C18orf63: variants seen among roughly 807,000 people sequenced by gnomAD.
The protein encoded by C18orf63 is chromosome 18 open reading frame 63.
In C18orf63, 50 loss-of-function variants were observed where a neutral mutation model predicts 75.3. The observed-to-expected ratio is 0.66, with a 90% CI of 0.53 to 0.84. C18orf63 has a LOEUF of 0.84. Ranked by LOEUF, C18orf63 falls within the 40% of genes least tolerant of loss-of-function variation. C18orf63 has a pLI of 0.00. For missense variants in C18orf63, 732 were observed against 800.2 expected (o/e 0.91, Z 1.03); for synonymous variants, 232 against 267.6 (o/e 0.87, Z 1.30).
chr18:74,316,482 C>T (rs1343937391), intron 1 of C18orf63, among the ~76,000 whole-genome samples: 2 of 152,194 alleles, frequency 1.3e-5, no homozygotes, highest in Non-Finnish European at 2.9e-5. Flanking sequence ...GGAAGGGTCC[C>T]TCGTAGCGGC....
Position 74,316,027 on chromosome 18 carries a change from G to A in C18orf63, c.-115G>A, listed in dbSNP as rs960553174. On this transcript the variant is annotated 5_prime_UTR_variant, in exon 1 of 14. Coordinates refer to ENST00000579455, the MANE Select transcript of C18orf63 (RefSeq NM_001174123.2). ...CTGCTGGAGGCCCTGCCGCCCACCCGCCCTTTCCTCCCCCTGAGGAGACGC... is the reference window on the plus strand; with the variant it reads ...CTGCTGGAGGCCCTGCCGCCCACCCACCCTTTCCTCCCCCTGAGGAGACGC... 3 of 151,724 alleles carry A rather than the reference G, an allele frequency of 2.0e-5. No homozygotes were observed. The highest frequency in any genetic ancestry group is 2.9e-5 in the Non-Finnish European group (2 of 68,034). 9.4% of individuals were successfully genotyped at this position (151,724 alleles called of 1,614,324 possible).
intron 7 of C18orf63, among the ~76,000 whole-genome samples, chr18:74,336,921 G>T (rs970999025): frequency 6.6e-6 from 1 of 151,894 alleles, no homozygotes; most frequent in Admixed American, 6.6e-5. Context: ...CTCTGAAATG[G>T]ACTCCTCTCT....
At position 74,342,289 on chromosome 18, in the gene C18orf63, A is replaced by G. The variant is rs1984501992; in HGVS notation, c.757A>G (p.Asn253Asp). Residue 253 changes from asparagine (N) to aspartate (D), a missense_variant, in exon 10 of 14, where the codon AAC becomes GAC. Asn to Asp is a conservative substitution (Grantham distance 23, BLOSUM62 1). This residue lies in a region of C18orf63 where 495 missense variants were observed against 508.7 expected (regional missense o/e 0.97). Transcript: ENST00000579455. The stretch of plus-strand genomic sequence containing the variant: ...TTGTGGAAAAATTAAAATATACTGC[A>G]ACATCTATTTCAAAATGCTCGGAGA... Reference protein sequence around the residue: ...GDCGKIKIYCNIYFKMLGERT... With the variant: ...GDCGKIKIYCDIYFKMLGERT... 1.3e-5 allele frequency: 20 copies of G among 1,533,462 alleles called. No homozygotes were observed. The highest frequency in any genetic ancestry group is 1.7e-5 in the Non-Finnish European group (19 of 1,145,174). 95.0% of individuals were successfully genotyped at this position (1,533,462 alleles called of 1,614,324 possible). A position where few individuals can be genotyped will look rare whatever the true frequency, so the allele number is the denominator to read the frequency against.
chr18:74,317,227 T>C (rs1479701243), intron 1 of C18orf63, among the ~76,000 whole-genome samples: 4 of 152,250 alleles, frequency 2.6e-5, no homozygotes, highest in Admixed American at 2.6e-4. Flanking sequence ...GCTTTACTTT[T>C]ATATTCCAGT....
At chr18:74,350,690 T>C (rs1018417420) in intron 11 of C18orf63, among the ~76,000 whole-genome samples, 1 of 152,196 alleles carries the variant, frequency 6.6e-6, no homozygotes, top group Non-Finnish European at 1.5e-5. Context: ...AGCTGAGCAA[T>C]GTCAAGGGGC....
chr18:74,342,212 A>T (rs1984500265), intron 9 of C18orf63, 29 bp from the exon 10 acceptor site: 9 of 1,469,606 alleles, frequency 6.1e-6, no homozygotes, highest in Non-Finnish European at 8.3e-6. Context: ...TTTCTCCAAG[A>T]TATTTAAAAT....
chr18:74,338,792 C>A lies in C18orf63; in HGVS notation c.579C>A (p.Ser193=). ...AGCATGCTGTCATTGAGAGACATTC[C>A]ATTTTAAGCAACTGGTGCTACGTTT... The part of the protein sequence containing the change: ...ANKHAVIERH[S]ILSNWCYVLP... The change falls in exon 8 of 14, where the codon TCC becomes TCA. Residue 193 remains serine, a synonymous_variant. Coordinates refer to ENST00000579455, the MANE Select transcript of C18orf63 (RefSeq NM_001174123.2). 1 of 1,411,520 alleles carries A rather than the reference C, an allele frequency of 7.1e-7. No individual in the cohort carries two copies. Among genetic ancestry groups the A allele is most frequent in the Non-Finnish European group, 9.3e-7 (1 of 1,069,588 alleles). The allele number at this position is 1,411,520 out of a possible 1,614,324, so 87.4% of individuals were successfully genotyped here.
intron 7 of C18orf63, among the ~76,000 whole-genome samples, chr18:74,338,003 TG>T (rs1315480607): frequency 6.6e-6 from 1 of 152,166 alleles, no homozygotes; most frequent in African/African-American, 2.4e-5. Flanking sequence ...TGGTTAAGAA[TG>T]GGGTAAGGGT....
In C18orf63 at chr18:74,356,583, A is replaced by G. The variant is rs1444663208; in HGVS notation, c.*136A>G. 6.6e-6 allele frequency: 1 copy of G among 152,518 alleles called. No homozygotes were observed. Among genetic ancestry groups the G allele is most frequent in the Non-Finnish European group, 1.5e-5 (1 of 68,024 alleles). The allele number at this position is 152,518 out of a possible 1,614,324, so 9.4% of individuals were successfully genotyped here. On this transcript the variant is annotated 3_prime_UTR_variant, in exon 14 of 14. Transcript: ENST00000579455. ...TTACTGCTGTGGAACCTCCTTTTTCACTTGACAGTTTCTTTTTATTGTTTG... is the reference window on the plus strand; with the variant it reads ...TTACTGCTGTGGAACCTCCTTTTTCGCTTGACAGTTTCTTTTTATTGTTTG...
intron 11 of C18orf63, 94 bp downstream of exon 11, chr18:74,343,796 A>G: frequency 4.6e-6 from 3 of 657,848 alleles, no homozygotes; most frequent in Non-Finnish European, 7.0e-6. Flanking sequence ...CACCCAACGC[A>G]GTGTGCAGTA....
Position 74,357,787 on chromosome 18 carries a change from C to A in C18orf63, c.*1340C>A, listed in dbSNP as rs1314699469. 6.6e-6 allele frequency: 1 copy of A among 152,180 alleles called. No homozygotes were observed. Among genetic ancestry groups the A allele is most frequent in the African/African-American group, 2.4e-5 (1 of 41,452 alleles). The allele number at this position is 152,180 out of a possible 1,614,324, so 9.4% of individuals were successfully genotyped here. A position where few individuals can be genotyped will look rare whatever the true frequency, so the allele number is the denominator to read the frequency against. On this transcript the variant is annotated 3_prime_UTR_variant, in exon 14 of 14. Transcript: ENST00000579455. ...AAGCATTTCTGTTTTCCAGAATTATCTCTATTTCCCAATTATTTTACCATT... is the reference window on the plus strand; with the variant it reads ...AAGCATTTCTGTTTTCCAGAATTATATCTATTTCCCAATTATTTTACCATT...
intron 3 of C18orf63, among the ~76,000 whole-genome samples, chr18:74,320,998 T>C (rs748719378): frequency 3.3e-4 from 50 of 152,208 alleles, no homozygotes; most frequent in Non-Finnish European, 1.5e-4. Flanking sequence ...GAACATTTTA[T>C]TTAAAATTAT....
At chr18:74,347,551 A>G (rs1984594121) in intron 11 of C18orf63, among the ~76,000 whole-genome samples, 1 of 152,066 alleles carries the variant, frequency 6.6e-6, no homozygotes, top group Non-Finnish European at 1.5e-5. Flanking sequence ...CCTTCCTTTG[A>G]AGGGGGTCAT....
At chr18:74,347,777 C>G (rs774217109) in intron 11 of C18orf63, among the ~76,000 whole-genome samples, 2 of 152,120 alleles carry the variant, frequency 1.3e-5, no homozygotes, top group Admixed American at 1.3e-4. Flanking sequence ...AATTAGGAAT[C>G]CTTAGTCAAA....
chr18:74,341,971 G>A, intron 8 of C18orf63, 61 bp from the exon 9 acceptor site: 1 of 800,218 alleles, frequency 1.2e-6, no homozygotes. Context: ...AAATCATGTA[G>A]TTGACTTATT....
intron 11 of C18orf63, among the ~76,000 whole-genome samples, chr18:74,352,159 T>C (rs1487291551): frequency 6.6e-6 from 1 of 152,122 alleles, no homozygotes; most frequent in African/African-American, 2.4e-5. Flanking sequence ...AGACAAATAT[T>C]GTATGATTCC....
At chr18:74,330,081 T>C (rs1175615710) in intron 6 of C18orf63, among the ~76,000 whole-genome samples, 2 of 152,186 alleles carry the variant, frequency 1.3e-5, no homozygotes, top group Admixed American at 1.3e-4. Flanking sequence ...GTTCATTACC[T>C]ACATCTAGTT....
At position 74,343,565 on chromosome 18, in the gene C18orf63, A is replaced by G. The variant is rs1290613766; in HGVS notation, c.841A>G (p.Arg281Gly). ...AAGTCAGCCCATGCAGTTCTTTCCA[A>G]GGGTAGATTCGGAAGTTGTGTTGAA... ...IRSQPMQFFPRVDSEVVLKSF... is the reference protein window; with the variant it reads ...IRSQPMQFFPGVDSEVVLKSF... The change falls in exon 11 of 14, where the codon AGG (arginine) becomes GGG (glycine). Residue 281 changes from arginine to glycine, a missense_variant. By Grantham distance (125) the Arg-to-Gly change is moderately radical. Around this residue, in one of 3 missense-constraint regions of C18orf63, gnomAD observed 495 missense variants for 508.7 expected, o/e 0.97. Transcript: ENST00000579455. 3.3e-6 allele frequency: 5 copies of G among 1,534,828 alleles called. 1 individual carries two copies. In the South Asian group the frequency reaches 3.6e-5, roughly 11 times the overall value.
intron 3 of C18orf63, among the ~76,000 whole-genome samples, chr18:74,320,875 T>C (rs570596244): frequency 7.2e-4 from 109 of 152,292 alleles, no homozygotes; most frequent in Non-Finnish European, 1.4e-3. Context: ...TAAGATAGCA[T>C]GGGCTTGATA....
Sources: gnomAD v4.1 joint callset for allele counts (sites outside exome capture counted in the v4.1 genomes callset) on GRCh38, gnomAD v4.1.1 for gene constraint, gnomAD v4.1.1 regional missense constraint, MANE v1.5 for transcripts, NCBI Gene and HGNC (gene_info 2026-07-23, HGNC 2026-07-21) for gene names.